The following VWA3B variants were observed in gnomAD, a reference collection of about 807,000 sequenced individuals.
The protein encoded by VWA3B is von Willebrand factor A domain-containing protein 3B.
In VWA3B, 138 loss-of-function variants were observed where a neutral mutation model predicts 158.3. The observed-to-expected ratio is 0.87, with a 90% confidence interval of 0.76 to 1.00. The LOEUF (loss-of-function observed/expected upper bound fraction) is 1.00. Ranked by LOEUF, VWA3B falls within the 50% of genes least tolerant of loss-of-function variation. The pLI is 0.00. For missense variants in VWA3B, 1,555 were observed against 1,565.1 expected (o/e 0.99, Z 0.11); for synonymous variants, 596 against 587.3 (o/e 1.01, Z -0.21).
intron 12 of VWA3B, among the ~76,000 whole-genome samples, chr2:98,201,348 T>C (rs1314120205): frequency 6.6e-6 from 1 of 152,226 alleles, no homozygotes; most frequent in East Asian, 1.9e-4. Context: ...CCTTATTTCT[T>C]TTGACCTTGC....
At chr2:98,263,375 A>G (rs1687600475) in intron 21 of VWA3B, among the ~76,000 whole-genome samples, 1 of 151,888 alleles carries the variant, frequency 6.6e-6, no homozygotes, top group African/African-American at 2.4e-5. Flanking sequence ...ATTATTAAGT[A>G]CAATAGTAGC....
At chr2:98,163,347 G>A (rs1256994383) in intron 8 of VWA3B, among the ~76,000 whole-genome samples, 1 of 152,144 alleles carries the variant, frequency 6.6e-6, no homozygotes, top group Non-Finnish European at 1.5e-5. Flanking sequence ...AGACCATCCT[G>A]GCCAACATGG....
At chr2:98,094,258 C>T (rs1682557581) in intron 2 of VWA3B, among the ~76,000 whole-genome samples, 1 of 152,126 alleles carries the variant, frequency 6.6e-6, no homozygotes. Flanking sequence ...ACATTCCCAC[C>T]AACAGTGTGT....
At chr2:98,259,399 T>C (rs1687345563) in intron 21 of VWA3B, among the ~76,000 whole-genome samples, 1 of 151,686 alleles carries the variant, frequency 6.6e-6, no homozygotes, top group Non-Finnish European at 1.5e-5. Context: ...TGTTGGGGGA[T>C]TTTTTATTTC....
chr2:98,182,182 GC>G (rs908886923), intron 9 of VWA3B, among the ~76,000 whole-genome samples: 3 of 151,750 alleles, frequency 2.0e-5, no homozygotes, highest in East Asian at 1.9e-4. Flanking sequence ...GAAAATCAAG[GC>G]CCCCCCCTCA....
intron 22 of VWA3B, among the ~76,000 whole-genome samples, chr2:98,283,084 C>T (rs928108005): frequency 6.6e-5 from 10 of 152,216 alleles, no homozygotes; most frequent in African/African-American, 4.8e-5. Context: ...GCAATCTCCT[C>T]GGTTAGCTTC....
chr2:98,259,172 G>A (rs1687333252), intron 21 of VWA3B, among the ~76,000 whole-genome samples: 1 of 151,652 alleles, frequency 6.6e-6, no homozygotes. Flanking sequence ...ATTTGCTAGT[G>A]TTTTATTAAG....
At chr2:98,154,136 A>G (rs180913197) in intron 7 of VWA3B, among the ~76,000 whole-genome samples, 2 of 152,330 alleles carry the variant, frequency 1.3e-5, no homozygotes, top group Admixed American at 1.3e-4. Flanking sequence ...TGCTGGGGTT[A>G]CAGGTGTGAG....
In VWA3B at chr2:98,270,888, GT is replaced by G. The variant is rs1340998821; in HGVS notation, c.3045+6del. On this transcript the variant is annotated splice_donor_region_variant and intron_variant, in intron 22 of 27. Coordinates refer to ENST00000477737, the MANE Select transcript of VWA3B (RefSeq NM_144992.5). ...GCAAACAAGGCCCCGGGAGAGGTGGGTGCCCTGGAGGTCTCTGTCTTTCCTC... is the reference window on the plus strand; with the variant it reads ...GCAAACAAGGCCCCGGGAGAGGTGGGGCCCTGGAGGTCTCTGTCTTTCCTC... 6 of 1,613,386 alleles carry G rather than the reference GT, an allele frequency of 3.7e-6. No homozygotes were observed. Among genetic ancestry groups the G allele is most frequent in the Non-Finnish European group, 4.2e-6 (5 of 1,179,660 alleles).
At chr2:98,254,756 G>C (rs1687007079) in intron 20 of VWA3B, among the ~76,000 whole-genome samples, 1 of 152,210 alleles carries the variant, frequency 6.6e-6, no homozygotes, top group East Asian at 1.9e-4. Flanking sequence ...ACGGCAAGAA[G>C]GAGAAGAAGC....
intron 6 of VWA3B, among the ~76,000 whole-genome samples, chr2:98,129,139 C>T (rs907662396): frequency 1.3e-5 from 2 of 152,110 alleles, no homozygotes; most frequent in Admixed American, 6.5e-5. Flanking sequence ...TCTCTCTCCC[C>T]GCCTTGTAGG....
chr2:98,317,606 T>A (rs904392131), downstream of VWA3B, among the ~76,000 whole-genome samples: 1 of 152,236 alleles, frequency 6.6e-6, no homozygotes, highest in Non-Finnish European at 1.5e-5. Context: ...TGATAATAAG[T>A]CTTTCAACCA....
the VWA3B span, among the ~76,000 whole-genome samples, chr2:98,318,675 A>G: frequency 6.6e-6 from 1 of 152,236 alleles, no homozygotes; most frequent in Non-Finnish European, 1.5e-5. Context: ...AATCCCCATG[A>G]AACACATTTA....
At chr2:98,295,600 G>A (rs554648369) in intron 23 of VWA3B, among the ~76,000 whole-genome samples, 7 of 151,990 alleles carry the variant, frequency 4.6e-5, no homozygotes, top group Admixed American at 3.3e-4. Flanking sequence ...CTCTGGGCCC[G>A]CCAGCCTCTG....
At chr2:98,243,473 A>G (rs1686206906) in intron 19 of VWA3B, among the ~76,000 whole-genome samples, 1 of 151,956 alleles carries the variant, frequency 6.6e-6, no homozygotes, top group East Asian at 1.9e-4. Flanking sequence ...AGCTGTGATT[A>G]CAGGCACGCA....
At chr2:98,220,592 C>T (rs1402663985) in intron 14 of VWA3B, among the ~76,000 whole-genome samples, 1 of 152,142 alleles carries the variant, frequency 6.6e-6, no homozygotes, top group Non-Finnish European at 1.5e-5. Flanking sequence ...CCCAGCAATC[C>T]CATTACTCGG....
At chr2:98,276,424 A>G (rs1016211738) in intron 22 of VWA3B, among the ~76,000 whole-genome samples, 3 of 152,240 alleles carry the variant, frequency 2.0e-5, no homozygotes, top group Non-Finnish European at 2.9e-5. Context: ...ATGTAAATAC[A>G]GTCTCATTTT....
intron 2 of VWA3B, among the ~76,000 whole-genome samples, chr2:98,097,027 T>C (rs762868420): frequency 6.6e-6 from 1 of 152,208 alleles, no homozygotes; most frequent in African/African-American, 2.4e-5. Context: ...CTGCTTTTGC[T>C]GTACCCATAG....
At chr2:98,091,517 A>G (rs1052614165) in intron 1 of VWA3B, among the ~76,000 whole-genome samples, 3 of 152,226 alleles carry the variant, frequency 2.0e-5, no homozygotes, top group African/African-American at 7.2e-5. Context: ...AAGATTGTGG[A>G]CAAGTTAATT....
Sources: gnomAD v4.1 joint callset for allele counts (sites outside exome capture counted in the v4.1 genomes callset) on GRCh38, gnomAD v4.1.1 for gene constraint, MANE v1.5 for transcripts, NCBI Gene and HGNC (gene_info 2026-07-23, HGNC 2026-07-21) for gene names.